The following MICAL3 variants were observed in gnomAD, a reference collection of about 807,000 sequenced individuals.
The protein encoded by MICAL3 is microtubule associated monooxygenase, calponin and LIM domain containing 3, also known as [F-actin]-monooxygenase MICAL3.
A neutral mutation model predicts 207.4 loss-of-function variants in MICAL3; 62 were observed. The ratio of observed to expected loss-of-function variants is 0.30; its 90% CI spans 0.24 to 0.37. The LOEUF is 0.37. MICAL3 is among the 10% of genes least tolerant of loss of function. The probability of loss-of-function intolerance (pLI) is 1.00; values close to 1 mark genes in which losing one functional copy is unlikely to be tolerated. For missense variants in MICAL3, 2,368 were observed against 2,635.6 expected, an observed-to-expected ratio of 0.90 and a Z score of 2.22; for synonymous variants, 1,077 against 1,069.3, an observed-to-expected ratio of 1.01 and a Z score of -0.14.
rs774017021 is a variant in MICAL3, at chr22:17,891,461, A to C, written c.1694+24T>G. The stretch of plus-strand genomic sequence containing the variant: ...TGAGATCCTTGAGGAGTATAAAAAA[A>C]CACAAAGTTTGATCACAACTTACAT... On this transcript the variant is annotated intron_variant, in intron 12 of 31. Transcript: ENST00000441493. The C allele has an allele frequency of 3.1e-6, 5 of 1,612,524 alleles. No homozygotes were observed. In the Middle Eastern group the frequency reaches 6.6e-4, roughly 213 times the overall value.
At chr22:17,884,250 A>C in intron 16 of MICAL3, 1 of 1,555,450 alleles carries the variant, frequency 6.4e-7, no homozygotes, top group African/African-American at 1.4e-5. Flanking sequence ...GACAGCACCC[A>C]TCCTGGCCCT....
intron 17 of MICAL3, among the ~76,000 whole-genome samples, chr22:17,866,590 G>T (rs906540639): frequency 6.6e-6 from 1 of 151,472 alleles, no homozygotes; most frequent in African/African-American, 2.4e-5. Flanking sequence ...GAGTAGGATG[G>T]AAGGGAACAG....
intron 17 of MICAL3, among the ~76,000 whole-genome samples, chr22:17,868,190 T>A (rs1451737078): frequency 1.3e-5 from 2 of 152,008 alleles, no homozygotes; most frequent in Non-Finnish European, 2.9e-5. Context: ...AAATATCTCC[T>A]CCCATGGAGA....
intron 20 of MICAL3, among the ~76,000 whole-genome samples, chr22:17,833,167 C>G (rs550147700): frequency 1.3e-5 from 2 of 152,336 alleles, no homozygotes; most frequent in South Asian, 4.1e-4. Flanking sequence ...TGGAGGGAGG[C>G]AGGACAGGAA....
At chr22:17,972,500 G>A (rs1290944910) in intron 1 of MICAL3, among the ~76,000 whole-genome samples, 1 of 152,190 alleles carries the variant, frequency 6.6e-6, no homozygotes, top group Non-Finnish European at 1.5e-5. Context: ...ACATCGGGGA[G>A]GGGTAAGCAC....
At chr22:17,853,348 G>A (rs561238159) in intron 19 of MICAL3, among the ~76,000 whole-genome samples, 4 of 152,264 alleles carry the variant, frequency 2.6e-5, no homozygotes, top group African/African-American at 9.6e-5. Flanking sequence ...CACCTCTTCT[G>A]CTTCCCCCAG....
In MICAL3 at chr22:17,950,166, A is replaced by ATTTTTTTTTTTTTTTTTTTTT. The variant is rs10657913; in HGVS notation, c.-74-43281_-74-43280insAAAAAAAAAAAAAAAAAAAAA. On this transcript the variant is annotated intron_variant, in intron 1 of 31. Transcript: ENST00000441493. ...GGTCATTCACAGGGTACAGCTGTCT[A>ATTTTTTTTTTTTTTTTTTTTT]TTTTTTTTTTTGGAGACAAGAGTCT... Among the ~76,000 whole-genome samples, 98 of 143,978 alleles carry ATTTTTTTTTTTTTTTTTTTTT rather than the reference A, an allele frequency of 6.8e-4. 1 individual carries two copies. The highest frequency in any genetic ancestry group is 2.5e-3 in the African/African-American group (93 of 37,778). The allele number at this position is 143,978 out of a possible 152,430, so 94.5% of individuals were successfully genotyped here.
chr22:17,986,631 C>T (rs1213316379), intron 1 of MICAL3, among the ~76,000 whole-genome samples: 2 of 152,132 alleles, frequency 1.3e-5, no homozygotes, highest in African/African-American at 2.4e-5. Context: ...TTTAGCTAAA[C>T]GCAGTGAGTC....
chr22:17,834,835 C>T (rs1169115456), intron 20 of MICAL3, among the ~76,000 whole-genome samples: 1 of 152,248 alleles, frequency 6.6e-6, no homozygotes, highest in Non-Finnish European at 1.5e-5. Context: ...CAATACATAA[C>T]CTAGTGCATG....
chr22:17,821,439 G>A lies in MICAL3; in HGVS notation c.3519C>T (p.Ser1173=). 2 of 1,544,252 alleles carry A rather than the reference G, an allele frequency of 1.3e-6. No individual in the cohort carries two copies. Among genetic ancestry groups the A allele is most frequent in the East Asian group, 2.5e-5 (1 of 39,902 alleles). ...CCCAAACCCTTACCTCTGTTGAGGG[G>A]CTGTGGACTGGAATGAACAGAAGAG... ...ESALLFIPVH[S]PSTEGPQLPP... The change falls in exon 25 of 32, where the codon AGC becomes AGT. Residue 1173 remains serine (S), a synonymous_variant. Coordinates refer to ENST00000441493, the MANE Select transcript of MICAL3 (RefSeq NM_015241.3).
intron 23 of MICAL3, among the ~76,000 whole-genome samples, chr22:17,822,647 G>A (rs117281908): frequency 1.3e-5 from 2 of 152,186 alleles, no homozygotes; most frequent in African/African-American, 2.4e-5. Context: ...ACCAGACTGC[G>A]ATGCAGAACC....
At chr22:17,961,556 C>T (rs1934916152) in intron 1 of MICAL3, among the ~76,000 whole-genome samples, 1 of 152,156 alleles carries the variant, frequency 6.6e-6, no homozygotes, top group African/African-American at 2.4e-5. Context: ...CCCATGGGAT[C>T]TGCTCCCAGA....
intron 2 of MICAL3, among the ~76,000 whole-genome samples, chr22:17,905,926 A>C (rs1931679087): frequency 6.6e-6 from 1 of 152,230 alleles, no homozygotes; most frequent in Non-Finnish European, 1.5e-5. Flanking sequence ...ATCAAAACAG[A>C]CTTTTGGAAC....
chr22:18,002,064 T>G (rs899985104), intron 1 of MICAL3, among the ~76,000 whole-genome samples: 28 of 151,894 alleles, frequency 1.8e-4, no homozygotes, highest in African/African-American at 6.5e-4. Flanking sequence ...CGGGCGTGGT[T>G]GCACGGGCCT....
chr22:17,848,711 T>C (rs540562425), intron 19 of MICAL3, among the ~76,000 whole-genome samples: 1 of 152,296 alleles, frequency 6.6e-6, no homozygotes, highest in Admixed American at 6.5e-5. Flanking sequence ...GGAGAAGGGC[T>C]CTAGCCTATT....
intron 17 of MICAL3, among the ~76,000 whole-genome samples, chr22:17,868,241 G>A (rs548542256): frequency 2.6e-5 from 4 of 151,916 alleles, no homozygotes; most frequent in Non-Finnish European, 5.9e-5. Flanking sequence ...TATTCAATGA[G>A]GTGGCACAAG....
At chr22:17,949,159 A>G (rs1226556446) in intron 1 of MICAL3, among the ~76,000 whole-genome samples, 1 of 152,202 alleles carries the variant, frequency 6.6e-6, no homozygotes, top group Non-Finnish European at 1.5e-5. Context: ...GTAGTGAGCC[A>G]AGATCGTGCC....
intron 17 of MICAL3, among the ~76,000 whole-genome samples, chr22:17,870,541 C>T (rs553970469): frequency 5.8e-4 from 89 of 152,320 alleles, no homozygotes; most frequent in African/African-American, 2.1e-3. Flanking sequence ...ACCTGTAGAT[C>T]AATTAGCTGC....
chr22:17,951,166 T>A (rs1934330403), intron 1 of MICAL3, among the ~76,000 whole-genome samples: 1 of 152,152 alleles, frequency 6.6e-6, no homozygotes, highest in Non-Finnish European at 1.5e-5. Context: ...CAGAAATGAA[T>A]GCCCAGACTG....
Sources: allele counts gnomAD v4.1 joint callset (sites outside exome capture counted in the v4.1 genomes callset), GRCh38; gene constraint gnomAD v4.1.1; transcripts MANE v1.5; gene names NCBI Gene and HGNC (gene_info 2026-07-23, HGNC 2026-07-21).